Variants in OPCML observed in about 807,000 individuals in gnomAD.
The protein encoded by OPCML is opioid-binding protein/cell adhesion molecule.
A neutral mutation model predicts 37.8 loss-of-function variants in OPCML; 13 were observed. That is an observed-to-expected ratio of 0.34 (90% CI 0.22 to 0.55). The LOEUF (loss-of-function observed/expected upper bound fraction) is 0.55. Ranked by LOEUF, OPCML falls within the 20% of genes least tolerant of loss-of-function variation. The pLI is 0.91. For missense variants in OPCML, 341 were observed against 435.6 expected (o/e 0.78, Z 1.93); for synonymous variants, 176 against 168.8 (o/e 1.04, Z -0.33).
rs190969331 is a variant in OPCML at position 132,604,859 on chromosome 11, C to T, written c.379+52228G>A. 6.5e-4 allele frequency among the ~76,000 whole-genome samples: 99 copies of T among 152,194 alleles called. 2 individuals are homozygous for T. The East Asian group carries it at 0.015, about 22-fold the overall frequency. On this transcript the variant is annotated intron_variant, in intron 3 of 7. Coordinates refer to ENST00000524381, the MANE Select transcript of OPCML (RefSeq NM_001012393.5). ...AGAGGGTATAGTGAAGCATTGATGG[C>T]CTGTAAGACCAAAATGTAAGCATAC...
chr11:132,947,414 C>T (rs75378932), intron 1 of OPCML, among the ~76,000 whole-genome samples: 2,723 of 152,278 alleles, frequency 0.018, 85 homozygotes, highest in African/African-American at 0.062. Context: ...GGAAGAGGGC[C>T]TGTGTCTATT....
At chr11:133,432,749 C>G (rs1946150784) in intron 1 of OPCML, among the ~76,000 whole-genome samples, 1 of 152,106 alleles carries the variant, frequency 6.6e-6, no homozygotes, top group African/African-American at 2.4e-5. Context: ...GGTTCTCAAA[C>G]TACAGGTGAA....
chr11:133,045,649 C>T (rs564692762), intron 1 of OPCML, among the ~76,000 whole-genome samples: 67 of 152,210 alleles, frequency 4.4e-4, no homozygotes, highest in Admixed American at 1.9e-3. Flanking sequence ...ATCTTCTTCC[C>T]TCTCCCAATC....
intron 4 of OPCML, among the ~76,000 whole-genome samples, chr11:132,508,769 C>A (rs2096262777): frequency 6.6e-6 from 1 of 152,176 alleles, no homozygotes; most frequent in Non-Finnish European, 1.5e-5. Flanking sequence ...TAAGGCCTCC[C>A]CAGACATGTG....
chr11:132,613,105 A>T (rs2137858580), intron 3 of OPCML, among the ~76,000 whole-genome samples: 1 of 152,206 alleles, frequency 6.6e-6, no homozygotes, highest in African/African-American at 2.4e-5. Context: ...CTTGCAGAGG[A>T]AGTGTCATGA....
chr11:132,426,344 C>A (rs1297989399), intron 7 of OPCML, among the ~76,000 whole-genome samples: 2 of 152,124 alleles, frequency 1.3e-5, no homozygotes, highest in Non-Finnish European at 2.9e-5. Context: ...CACATAGCAA[C>A]AACAACAACA....
intron 1 of OPCML, among the ~76,000 whole-genome samples, chr11:133,069,907 C>T (rs1466602412): frequency 3.3e-5 from 5 of 152,110 alleles, no homozygotes; most frequent in African/African-American, 4.8e-5. Context: ...GATGCTGTGG[C>T]TCTAGGTGGG....
Position 133,147,443 on chromosome 11 carries a change from C to T in OPCML, c.62-204433G>A, listed in dbSNP as rs1949913244. ...TTGAGCAGACAGGACACGGAGAAAG[C>T]CCTACCCGCTTCAAAACAGGAAGAC... On this transcript the variant is annotated intron_variant, in intron 1 of 7. Coordinates refer to ENST00000524381, the MANE Select transcript of OPCML (RefSeq NM_001012393.5). Among the ~76,000 whole-genome samples the T allele has an allele frequency of 2.0e-5, 3 of 152,064 alleles. No homozygotes were observed. The South Asian group carries it at 6.2e-4, about 32-fold the overall frequency.
intron 1 of OPCML, among the ~76,000 whole-genome samples, chr11:132,992,630 T>C (rs1429241608): frequency 6.6e-6 from 1 of 152,092 alleles, no homozygotes; most frequent in East Asian, 1.9e-4. Flanking sequence ...AATGGAAATA[T>C]TGGATGGTCC....
intron 1 of OPCML, among the ~76,000 whole-genome samples, chr11:133,033,480 A>G (rs1265609496): frequency 6.6e-6 from 1 of 152,222 alleles, no homozygotes; most frequent in Non-Finnish European, 1.5e-5. Flanking sequence ...TATCACTCCT[A>G]TCCATAGAAA....
At chr11:132,783,848 T>C (rs1947113298) in intron 2 of OPCML, among the ~76,000 whole-genome samples, 1 of 152,196 alleles carries the variant, frequency 6.6e-6, no homozygotes, top group East Asian at 1.9e-4. Context: ...CTGAAATCAA[T>C]TTGGTCTGAA....
intron 1 of OPCML, among the ~76,000 whole-genome samples, chr11:133,306,656 G>A (rs899250603): frequency 1.3e-5 from 2 of 152,156 alleles, no homozygotes; most frequent in Admixed American, 1.3e-4. Context: ...TGTGAAAACA[G>A]CTCTCAAGGG....
chr11:132,885,974 C>A (rs1381040418), intron 2 of OPCML, among the ~76,000 whole-genome samples: 3 of 152,100 alleles, frequency 2.0e-5, no homozygotes, highest in Non-Finnish European at 4.4e-5. Context: ...TTTCCTTTGC[C>A]TTCATTATAC....
intron 3 of OPCML, among the ~76,000 whole-genome samples, chr11:132,565,452 T>C (rs11223124): frequency 0.021 from 3,194 of 152,270 alleles, 161 homozygotes; most frequent in East Asian, 0.21. Flanking sequence ...AGTGCATGAA[T>C]GGACCCACAG....
chr11:132,582,586 T>G (rs1002925013), intron 3 of OPCML, among the ~76,000 whole-genome samples: 1 of 151,926 alleles, frequency 6.6e-6, no homozygotes, highest in African/African-American at 2.4e-5. Flanking sequence ...ACTAAACAAG[T>G]GAAATAAAAG....
At chr11:132,953,349 G>A (rs896605571) in intron 1 of OPCML, among the ~76,000 whole-genome samples, 78 of 152,208 alleles carry the variant, frequency 5.1e-4, no homozygotes, top group African/African-American at 1.8e-3. Context: ...TTCCCACTAA[G>A]GAACTCTCTT....
chr11:133,293,817 G>C (rs1942548514), intron 1 of OPCML, among the ~76,000 whole-genome samples: 1 of 151,558 alleles, frequency 6.6e-6, no homozygotes, highest in Admixed American at 6.6e-5. Context: ...GAAGACGCAG[G>C]TGACAGATCT....
At chr11:132,852,952 G>T (rs1591704718) in intron 2 of OPCML, among the ~76,000 whole-genome samples, 1 of 150,840 alleles carries the variant, frequency 6.6e-6, no homozygotes, top group Non-Finnish European at 1.5e-5. Flanking sequence ...TATGTAGCCC[G>T]CAAAGCCTAA....
intron 1 of OPCML, among the ~76,000 whole-genome samples, chr11:133,165,217 G>C (rs1031754876): frequency 3.3e-5 from 5 of 152,198 alleles, no homozygotes; most frequent in South Asian, 2.1e-4. Flanking sequence ...GTAGGCAGAT[G>C]GTCTGTCTCT....
Sources: gnomAD v4.1 joint callset for allele counts (sites outside exome capture counted in the v4.1 genomes callset) on GRCh38, gnomAD v4.1.1 for gene constraint, MANE v1.5 for transcripts, NCBI Gene and HGNC (gene_info 2026-07-23, HGNC 2026-07-21) for gene names.